UBE2Q2: variants seen among roughly 807,000 people sequenced by gnomAD.
The protein encoded by UBE2Q2 is ubiquitin-conjugating enzyme E2 Q2.
In UBE2Q2, 54 loss-of-function variants were observed where a neutral mutation model predicts 59.9. The ratio of observed to expected loss-of-function variants is 0.90; its 90% CI spans 0.72 to 1.13. UBE2Q2 has a LOEUF of 1.13. Ranked by LOEUF, UBE2Q2 falls within the 50% of genes most tolerant of loss-of-function variation. The pLI, the probability that UBE2Q2 is intolerant of heterozygous loss-of-function variation, is 0.00. For missense variants in UBE2Q2, 433 were observed against 441.9 expected (o/e 0.98, Z 0.18); for synonymous variants, 165 against 155.2 (o/e 1.06, Z -0.47).
intron 2 of UBE2Q2, among the ~76,000 whole-genome samples, chr15:75,858,673 T>C (rs898736173): frequency 2.2e-4 from 33 of 152,172 alleles, no homozygotes; most frequent in African/African-American, 7.0e-4. Context: ...ACTACCCTGC[T>C]GCCTCTCTCC....
intron 1 of UBE2Q2, among the ~76,000 whole-genome samples, chr15:75,847,234 AC>A (rs1220708639): frequency 6.6e-6 from 1 of 152,208 alleles, no homozygotes; most frequent in African/African-American, 2.4e-5. Context: ...TTGTATTTGA[AC>A]AAAAATCTTA....
chr15:75,865,878 G>A (rs931313971), intron 3 of UBE2Q2, among the ~76,000 whole-genome samples: 26 of 150,882 alleles, frequency 1.7e-4, no homozygotes, highest in African/African-American at 6.3e-4. Context: ...CTTGCTGTCT[G>A]TTATTTGTTC....
intron 2 of UBE2Q2, among the ~76,000 whole-genome samples, chr15:75,857,217 G>A (rs1459388944): frequency 6.6e-6 from 1 of 152,216 alleles, no homozygotes; most frequent in African/African-American, 2.4e-5. Flanking sequence ...CCCCAGCAAG[G>A]GGGTTGATGG....
intron 5 of UBE2Q2, among the ~76,000 whole-genome samples, chr15:75,875,364 C>T (rs745595268): frequency 5.3e-5 from 8 of 152,168 alleles, no homozygotes; most frequent in East Asian, 3.9e-4. Flanking sequence ...AAAATAGTTC[C>T]GTTTGTATTT....
At chr15:75,880,620 C>T (rs1898354022) in intron 8 of UBE2Q2, among the ~76,000 whole-genome samples, 1 of 152,096 alleles carries the variant, frequency 6.6e-6, no homozygotes, top group Admixed American at 6.5e-5. Flanking sequence ...TCTGCCCCAG[C>T]CCCCCGAGTA....
At chr15:75,891,584 A>G (rs957313144) in intron 11 of UBE2Q2, among the ~76,000 whole-genome samples, 1 of 152,076 alleles carries the variant, frequency 6.6e-6, no homozygotes, top group Admixed American at 6.5e-5. Flanking sequence ...TAACTGAAGC[A>G]TACAGAAGTT....
In UBE2Q2 at chr15:75,854,364, CAT is replaced by C. The variant is rs767813244; in HGVS notation, c.181-21_181-20del. ...GGTTAGTCTGTATGTAAATGTTTAA[CAT>C]GTGTCTCTGTGTTAAACAGGAATCC... is the stretch of plus-strand genomic sequence containing the variant. On this transcript the variant is annotated intron_variant, in intron 1 of 12. Coordinates refer to ENST00000267938, the MANE Select transcript of UBE2Q2 (RefSeq NM_173469.4). 62 of 1,583,070 alleles carry C rather than the reference CAT, an allele frequency of 3.9e-5. No homozygotes were observed. Among genetic ancestry groups the C allele is most frequent in the Non-Finnish European group, 5.2e-5 (60 of 1,156,674 alleles).
chr15:75,863,315 G>T (rs559468010), intron 3 of UBE2Q2, among the ~76,000 whole-genome samples: 2 of 152,088 alleles, frequency 1.3e-5, no homozygotes, highest in African/African-American at 4.8e-5. Flanking sequence ...CTGGTCTGCC[G>T]GTAACCCCAT....
chr15:75,870,315 A>G (rs991098400), intron 4 of UBE2Q2, among the ~76,000 whole-genome samples: 2 of 152,078 alleles, frequency 1.3e-5, no homozygotes, highest in Non-Finnish European at 2.9e-5. Flanking sequence ...GTGATCCACC[A>G]CTGGCCTCCC....
chr15:75,844,221 G>A, intron 1 of UBE2Q2: 1 of 1,475,606 alleles, frequency 6.8e-7, no homozygotes, highest in South Asian at 1.4e-5. Flanking sequence ...GCGCAGCTCC[G>A]GCTGTTGTTT....
rs956651911 is a variant in UBE2Q2 at position 75,899,547 on chromosome 15, A to G, written c.*89A>G. ...CAAAAGCTTTGAGTGCCCCTATTAC[A>G]GCAGTACCGAAGATGTTAGTTAATA... On this transcript the variant is annotated 3_prime_UTR_variant, in exon 13 of 13. Transcript: ENST00000267938. 21 of 1,068,514 alleles carry G rather than the reference A, an allele frequency of 2.0e-5. No homozygotes were observed. Among genetic ancestry groups the G allele is most frequent in the Non-Finnish European group, 2.8e-5 (20 of 720,298 alleles). 66.2% of individuals were successfully genotyped at this position (1,068,514 alleles called of 1,614,324 possible). A position where few individuals can be genotyped will look rare whatever the true frequency, so the allele number is the denominator to read the frequency against.
chr15:75,898,516 T>G (rs905460008), intron 12 of UBE2Q2, among the ~76,000 whole-genome samples: 3 of 152,200 alleles, frequency 2.0e-5, no homozygotes, highest in Non-Finnish European at 4.4e-5. Flanking sequence ...GGTGAGACAC[T>G]TTACATCCAC....
rs897260685 is a variant in UBE2Q2, at chr15:75,886,676, C to T, written c.884+3252C>T. 1.2e-3 allele frequency among the ~76,000 whole-genome samples: 179 copies of T among 151,864 alleles called. 1 individual carries two copies. The highest frequency in any genetic ancestry group is 4.0e-3 in the African/African-American group (167 of 41,446). On this transcript the variant is annotated intron_variant, in intron 9 of 12. Coordinates refer to ENST00000267938, the MANE Select transcript of UBE2Q2 (RefSeq NM_173469.4). ...GCCAAGGCAGGTGGATCATCTGAGTCAGGAGTTTGAGACCAGCCTGGCCAA... is the reference window on the plus strand; with the variant it reads ...GCCAAGGCAGGTGGATCATCTGAGTTAGGAGTTTGAGACCAGCCTGGCCAA...
chr15:75,875,926 C>T (rs1042578568), intron 5 of UBE2Q2, among the ~76,000 whole-genome samples: 10 of 151,550 alleles, frequency 6.6e-5, no homozygotes, highest in Non-Finnish European at 1.0e-4. Flanking sequence ...TTTAGCTGGG[C>T]GTGGTGGTGC....
intron 12 of UBE2Q2, among the ~76,000 whole-genome samples, chr15:75,898,352 TTTTG>T (rs1035168602): frequency 2.6e-5 from 4 of 151,998 alleles, no homozygotes; most frequent in Admixed American, 6.6e-5. Context: ...ACTTCTAGGG[TTTTG>T]TTTTTTTTTA....
At chr15:75,896,119 G>A (rs1239184054) in intron 11 of UBE2Q2, among the ~76,000 whole-genome samples, 2 of 152,194 alleles carry the variant, frequency 1.3e-5, no homozygotes, top group Non-Finnish European at 2.9e-5. Context: ...AACTGTTAGT[G>A]AAGGAAAGCC....
intron 1 of UBE2Q2, among the ~76,000 whole-genome samples, chr15:75,846,235 TA>T (rs1896338347): frequency 6.6e-6 from 1 of 152,188 alleles, no homozygotes; most frequent in South Asian, 2.1e-4. Flanking sequence ...AAGACTCTTT[TA>T]TTTTTTATTA....
In UBE2Q2 at chr15:75,883,374, T is replaced by A. The variant is rs768386689; in HGVS notation, c.834T>A (p.Phe278Leu). The A allele has an allele frequency of 1.9e-6, 3 of 1,613,342 alleles. No homozygotes were observed. The highest frequency in any genetic ancestry group is 2.5e-6 in the Non-Finnish European group (3 of 1,179,492). ...ILLNFSFKDN[F>L]PFDPPFVRVV... ...GCTTATTTGCTTTTTAGGATAACTT[T>A]CCATTTGATCCTCCATTTGTTCGAG... The change falls in exon 9 of 13, where the codon TTT (phenylalanine) becomes TTA (leucine). Residue 278 changes from phenylalanine to leucine, a missense_variant. Coordinates refer to ENST00000267938, the MANE Select transcript of UBE2Q2 (RefSeq NM_173469.4).
In UBE2Q2 at chr15:75,884,136, G is replaced by T. The variant is rs866379781; in HGVS notation, c.884+712G>T. Among the ~76,000 whole-genome samples, 7 of 152,190 alleles carry T rather than the reference G, an allele frequency of 4.6e-5. No homozygotes were observed. The South Asian group carries it at 1.4e-3, about 32-fold the overall frequency. On this transcript the variant is annotated intron_variant, in intron 9 of 12. Transcript: ENST00000267938. ...GAAGTCTTACAGAAGGTGGGGAAAA[G>T]ATCACAATTTGTTAGGTTAGTTATG... is the stretch of plus-strand genomic sequence containing the variant.
Sources: gnomAD v4.1 joint callset for allele counts (sites outside exome capture counted in the v4.1 genomes callset) on GRCh38, gnomAD v4.1.1 for gene constraint, MANE v1.5 for transcripts, NCBI Gene and HGNC (gene_info 2026-07-23, HGNC 2026-07-21) for gene names.